RIMS1: variants seen among roughly 807,000 people sequenced by gnomAD.
RIMS1 encodes regulating synaptic membrane exocytosis protein 1.
A neutral mutation model predicts 214.1 loss-of-function variants in RIMS1; 83 were observed. The ratio of observed to expected loss-of-function variants is 0.39; its 90% CI spans 0.32 to 0.47. RIMS1 has a LOEUF of 0.47. RIMS1 is among the 20% of genes least tolerant of loss of function. The pLI is 0.99. For synonymous variants in RIMS1, 793 were observed against 786.8 expected (o/e 1.01, Z -0.13); for missense variants, 2,050 against 2,161.8 (o/e 0.95, Z 1.03).
chr6:72,342,806 A>G (rs1439431952), intron 29 of RIMS1, among the ~76,000 whole-genome samples: 1 of 151,804 alleles, frequency 6.6e-6, no homozygotes, highest in Non-Finnish European at 1.5e-5. Flanking sequence ...CAAGAACACA[A>G]GTTTATTCTT....
At chr6:71,909,264 C>T (rs1210718638) in intron 1 of RIMS1, among the ~76,000 whole-genome samples, 1 of 152,084 alleles carries the variant, frequency 6.6e-6, no homozygotes, top group Non-Finnish European at 1.5e-5. Context: ...TCCAAAGTGC[C>T]GGGAAGTGCT....
intron 29 of RIMS1, among the ~76,000 whole-genome samples, chr6:72,336,120 T>C (rs1179253730): frequency 6.6e-6 from 1 of 151,908 alleles, no homozygotes; most frequent in Non-Finnish European, 1.5e-5. Context: ...GTGTTTCCTA[T>C]GTGAGAGATT....
intron 27 of RIMS1, among the ~76,000 whole-genome samples, chr6:72,312,499 G>A (rs2095560132): frequency 6.6e-6 from 1 of 151,978 alleles, no homozygotes; most frequent in African/African-American, 2.4e-5. Flanking sequence ...AGAAATAAGA[G>A]TAGCTTAACT....
intron 4 of RIMS1, among the ~76,000 whole-genome samples, chr6:72,177,514 A>T (rs1036697266): frequency 6.6e-6 from 1 of 152,152 alleles, no homozygotes; most frequent in Admixed American, 6.5e-5. Flanking sequence ...AGCCTCCCAA[A>T]GTGCTGGGAT....
rs957813261 is a variant in RIMS1 at position 72,161,457 on chromosome 6, C to G, written c.472-18118C>G. Among the ~76,000 whole-genome samples, 122 of 140,260 alleles carry G rather than the reference C, an allele frequency of 8.7e-4. 8 individuals carry two copies. Among genetic ancestry groups the G allele is most frequent in the African/African-American group, 2.8e-3 (112 of 40,556 alleles). The allele number at this position is 140,260 out of a possible 152,430, so 92.0% of individuals were successfully genotyped here. On this transcript the variant is annotated intron_variant, in intron 4 of 33. Coordinates refer to ENST00000521978, the MANE Select transcript of RIMS1 (RefSeq NM_014989.7). ...TTTGAATGTGTTTGCTCTTGCTTCT[C>G]TAGTTCTTTTAATTGTGATGTTAGG...
At chr6:72,165,634 A>G (rs919979919) in intron 4 of RIMS1, among the ~76,000 whole-genome samples, 1 of 152,176 alleles carries the variant, frequency 6.6e-6, no homozygotes, top group Non-Finnish European at 1.5e-5. Flanking sequence ...CACTGAGACA[A>G]TGTACTTTTG....
At chr6:72,017,077 G>T (rs1372032927) in intron 2 of RIMS1, among the ~76,000 whole-genome samples, 1 of 152,154 alleles carries the variant, frequency 6.6e-6, no homozygotes, top group South Asian at 2.1e-4. Context: ...AACACACCCT[G>T]TAGGGTCTAC....
At chr6:72,179,191 G>C (rs1024430660) in intron 4 of RIMS1, among the ~76,000 whole-genome samples, 1 of 151,748 alleles carries the variant, frequency 6.6e-6, no homozygotes, top group Non-Finnish European at 1.5e-5. Context: ...TGTAGTTCCT[G>C]GTAACATTTT....
intron 6 of RIMS1, among the ~76,000 whole-genome samples, chr6:72,222,871 C>T (rs751393562): frequency 5.9e-5 from 9 of 152,146 alleles, no homozygotes; most frequent in Non-Finnish European, 1.2e-4. Flanking sequence ...TATAACTGTT[C>T]ATGCACTCCT....
intron 4 of RIMS1, among the ~76,000 whole-genome samples, chr6:72,118,357 G>T (rs2037511567): frequency 6.6e-6 from 1 of 150,490 alleles, no homozygotes; most frequent in Non-Finnish European, 1.5e-5. Context: ...GTAAGTAAAA[G>T]TCCAGGGCCA....
intron 3 of RIMS1, among the ~76,000 whole-genome samples, chr6:72,098,478 A>G (rs2032568077): frequency 6.6e-6 from 1 of 151,920 alleles, no homozygotes; most frequent in African/African-American, 2.4e-5. Flanking sequence ...TATTTTCAGT[A>G]GAGACGGGGT....
At chr6:72,083,134 T>A (rs921393723) in intron 2 of RIMS1, among the ~76,000 whole-genome samples, 1 of 152,210 alleles carries the variant, frequency 6.6e-6, no homozygotes, top group Non-Finnish European at 1.5e-5. Context: ...ATTTGATGTA[T>A]GTAAATTTAT....
At chr6:72,398,723 A>G (rs1443480347) in intron 32 of RIMS1, among the ~76,000 whole-genome samples, 1 of 152,200 alleles carries the variant, frequency 6.6e-6, no homozygotes, top group Non-Finnish European at 1.5e-5. Flanking sequence ...AAGTAAGTCA[A>G]AGTCTTCAAA....
chr6:72,089,380 A>G (rs1264156856), intron 2 of RIMS1, among the ~76,000 whole-genome samples: 2 of 152,086 alleles, frequency 1.3e-5, no homozygotes, highest in African/African-American at 2.4e-5. Flanking sequence ...GGACACTAAC[A>G]CTAGCCATTT....
At chr6:72,068,320 G>A (rs750823994) in intron 2 of RIMS1, among the ~76,000 whole-genome samples, 22 of 151,944 alleles carry the variant, frequency 1.4e-4, no homozygotes, top group Middle Eastern at 3.4e-3. Flanking sequence ...TACATGGTAT[G>A]GGTAATTATT....
chr6:71,921,905 T>C (rs770837894), intron 1 of RIMS1, among the ~76,000 whole-genome samples: 1 of 152,224 alleles, frequency 6.6e-6, no homozygotes, highest in Non-Finnish European at 1.5e-5. Flanking sequence ...CCAGCACTTA[T>C]CTCAAGTGAT....
intron 29 of RIMS1, among the ~76,000 whole-genome samples, chr6:72,348,197 T>C (rs1396563893): frequency 1.3e-5 from 2 of 151,926 alleles, no homozygotes; most frequent in Non-Finnish European, 2.9e-5. Context: ...TTGTAACAAG[T>C]ACAGTTGACT....
intron 4 of RIMS1, among the ~76,000 whole-genome samples, chr6:72,121,985 G>T (rs908288048): frequency 1.3e-5 from 2 of 151,838 alleles, no homozygotes; most frequent in Non-Finnish European, 2.9e-5. Flanking sequence ...AACCAGCCTT[G>T]CATCCCAGGG....
At chr6:72,251,662 C>G (rs1210206876) in intron 15 of RIMS1, among the ~76,000 whole-genome samples, 1 of 152,094 alleles carries the variant, frequency 6.6e-6, no homozygotes, top group African/African-American at 2.4e-5. Flanking sequence ...TTTCTGTCAT[C>G]ACTGGTGAGT....
Sources: gnomAD v4.1 joint callset for allele counts (sites outside exome capture counted in the v4.1 genomes callset) on GRCh38, gnomAD v4.1.1 for gene constraint, MANE v1.5 for transcripts, NCBI Gene and HGNC (gene_info 2026-07-23, HGNC 2026-07-21) for gene names.